SRPRA: variants seen among roughly 807,000 people sequenced by gnomAD.
The protein encoded by SRPRA is signal recognition particle receptor subunit alpha.
SRPRA carries 30 observed loss-of-function variants against 61.1 expected under a neutral mutation model. The ratio of observed to expected loss-of-function variants is 0.49; its 90% CI spans 0.37 to 0.67. The LOEUF is 0.67. SRPRA is among the 30% of genes least tolerant of loss of function. SRPRA has a pLI of 0.00. For synonymous variants in SRPRA, 324 were observed against 299.7 expected (o/e 1.08, Z -0.84); for missense variants, 759 against 828.4 (o/e 0.92, Z 1.03).
At chr11:126,258,749 T>A (rs1950621991), downstream of SRPRA, among the ~76,000 whole-genome samples, 1 of 152,232 alleles carries the variant, frequency 6.6e-6, no homozygotes, top group Non-Finnish European at 1.5e-5. Flanking sequence ...TCTACATATT[T>A]CTTTTGATCT....
chr11:126,256,439 C>T, the SRPRA span: 1 of 738,370 alleles, frequency 1.4e-6, no homozygotes, highest in Admixed American at 2.8e-5. This position sits in a 1 kb window ranked among gnomAD's most constrained non-coding sequence, Gnocchi z 6.6. Flanking sequence ...CTTGATGGGA[C>T]ATACCAACCC....
the SRPRA span, among the ~76,000 whole-genome samples, chr11:126,238,139 A>G: frequency 2.6e-5 from 4 of 152,138 alleles, no homozygotes; most frequent in Non-Finnish European, 5.9e-5. Context: ...AGGCAGGCGG[A>G]TCACTTGAGG....
rs765411778 is a variant in SRPRA at position 126,266,182 on chromosome 11, C to T, written c.932+5G>A. 1 of 1,613,990 alleles carries T rather than the reference C, an allele frequency of 6.2e-7. No individual in the cohort carries two copies. The highest frequency in any genetic ancestry group is 1.7e-5 in the Admixed American group (1 of 60,014). On this transcript the variant is annotated splice_donor_5th_base_variant and intron_variant, in intron 7 of 13. Transcript: ENST00000332118. ...TATACCAACCCCCACCTGAAATTCC[C>T]CTACCTAGGTTTGGTAGAGTTTTGA... is the stretch of plus-strand genomic sequence containing the variant.
downstream of SRPRA, among the ~76,000 whole-genome samples, chr11:126,258,943 T>A (rs1192443148): frequency 6.6e-6 from 1 of 152,244 alleles, no homozygotes; most frequent in Admixed American, 6.5e-5. Flanking sequence ...TATTGTGGAA[T>A]GGCACAAATT....
the SRPRA span, chr11:126,254,394 G>T: frequency 1.2e-6 from 2 of 1,614,168 alleles, no homozygotes; most frequent in Non-Finnish European, 1.7e-6. Context: ...TCCTTCATCC[G>T]GCTGGATATC....
intron 6 of SRPRA, 89 bp downstream of exon 6, chr11:126,266,387 C>CGTA: frequency 6.3e-7 from 1 of 1,588,226 alleles, no homozygotes; most frequent in Non-Finnish European, 8.6e-7. Flanking sequence ...TATAACTTAC[C>CGTA]CCTCATTCAA....
chr11:126,244,450 T>C, the SRPRA span, among the ~76,000 whole-genome samples: 1 of 152,204 alleles, frequency 6.6e-6, no homozygotes, highest in Non-Finnish European at 1.5e-5. The surrounding 1 kb of genome is among the most constrained non-coding windows in gnomAD (Gnocchi z 4.5). Flanking sequence ...AAATGAAATA[T>C]TAAAAATTCT....
chr11:126,268,645 C>G (rs1296406075), intron 1 of SRPRA, 43 bp downstream of exon 1: 4 of 1,543,544 alleles, frequency 2.6e-6, no homozygotes, highest in Non-Finnish European at 3.6e-6. Flanking sequence ...TGGATCGGGT[C>G]AGGAAAGAAG....
At chr11:126,250,623 A>T in the SRPRA span, 1 of 1,614,064 alleles carries the variant, frequency 6.2e-7, no homozygotes, top group South Asian at 1.1e-5. This position sits in a 1 kb window ranked among gnomAD's most constrained non-coding sequence, Gnocchi z 5.1. Flanking sequence ...TCTCCACCTG[A>T]TGGAAAATGG....
the SRPRA span, among the ~76,000 whole-genome samples, chr11:126,248,054 G>A: frequency 2.4e-4 from 36 of 150,652 alleles, no homozygotes; most frequent in Admixed American, 8.6e-4. Flanking sequence ...GATGAATCAG[G>A]AGAATCACCT....
At position 126,266,910 on chromosome 11, in the gene SRPRA, G is replaced by A; in HGVS notation, c.539C>T (p.Pro180Leu). ...AGGGACTGGTTTGCTGGTAGCCAAAGGACCATCAGAACCTGTTGGGGAAAA... is the reference window on the plus strand; with the variant it reads ...AGGGACTGGTTTGCTGGTAGCCAAAAGACCATCAGAACCTGTTGGGGAAAA... ...KGAKKEGSDG[P>L]LATSKPVPAE... The change falls in exon 5 of 14, where the codon CCT (proline) becomes CTT (leucine). Residue 180 changes from proline (P) to leucine (L), a missense_variant. Coordinates refer to ENST00000332118, the MANE Select transcript of SRPRA (RefSeq NM_003139.4). 5 of 1,613,892 alleles carry A rather than the reference G, an allele frequency of 3.1e-6. No homozygotes were observed. The highest frequency in any genetic ancestry group is 4.2e-6 in the Non-Finnish European group (5 of 1,179,960).
intron 6 of SRPRA, 25 bp from the exon 7 acceptor site, chr11:126,266,303 G>A: frequency 6.2e-7 from 1 of 1,612,122 alleles, no homozygotes; most frequent in South Asian, 1.1e-5. Flanking sequence ...GAAAGGATGT[G>A]GGGTCAGGAA....
chr11:126,240,743 C>A, the SRPRA span: 1 of 1,526,280 alleles, frequency 6.6e-7, no homozygotes, highest in South Asian at 1.3e-5. Flanking sequence ...TTCTGTGTGC[C>A]TCATATCTAT....
the SRPRA span, among the ~76,000 whole-genome samples, chr11:126,242,747 A>G: frequency 6.6e-6 from 1 of 152,210 alleles, no homozygotes; most frequent in East Asian, 1.9e-4. Context: ...GTTATTAAGG[A>G]TGTGGAGAAA....
At chr11:126,259,425 C>CTT (rs397945854), downstream of SRPRA, among the ~76,000 whole-genome samples, 3,457 of 129,370 alleles carry the variant, frequency 0.027, 515 homozygotes, top group East Asian at 0.46. Context: ...CGTTGTGGTA[C>CTT]TTTTTTTTTT....
Position 126,265,087 on chromosome 11 carries a change from C to T in SRPRA, c.1397G>A (p.Arg466His), listed in dbSNP as rs748980875. Residue 466 changes from arginine to histidine, a missense_variant, in exon 11 of 14, where the codon CGT becomes CAT. Around this residue, in one of 2 missense-constraint regions of SRPRA, gnomAD observed 284 missense variants for 365.9 expected, o/e 0.78. Transcript: ENST00000332118. The surrounding 1 kb of genome is among the most constrained non-coding windows in gnomAD (Gnocchi z 6.3). Reference sequence around the variant, plus strand: ...GGCACTCAAACGCCGGGTGTGTGTACGCAGCTGCTCCACGGCCCCAGCACG... The same window carrying T: ...GGCACTCAAACGCCGGGTGTGTGTATGCAGCTGCTCCACGGCCCCAGCACG... ...TFRAGAVEQLRTHTRRLSALH... is the reference protein window; with the variant it reads ...TFRAGAVEQLHTHTRRLSALH... The T allele has an allele frequency of 1.5e-5, 24 of 1,613,976 alleles. No homozygotes were observed. Among genetic ancestry groups the T allele is most frequent in the East Asian group, 2.2e-5 (1 of 44,894 alleles).
the SRPRA span, among the ~76,000 whole-genome samples, chr11:126,246,302 T>C: frequency 6.6e-6 from 1 of 152,198 alleles, no homozygotes; most frequent in Non-Finnish European, 1.5e-5. Context: ...AGCAGTACTA[T>C]GGCAGGGTTA....
At chr11:126,245,103 G>C in the SRPRA span, 2 of 151,656 alleles carry the variant, frequency 1.3e-5, no homozygotes, top group African/African-American at 4.8e-5. Flanking sequence ...ATTGCTGGAG[G>C]GCTTGAGCCC....
chr11:126,266,270 C>T lies in SRPRA; in HGVS notation c.849G>A (p.Gly283=). ...ALSEDINLIR[G]TGSGGQLQDL... ...CCTGAAGCTGCCCCCCAGACCCAGT[C>T]CCTCGAATCTGGAAGATACGGGGAA... is the stretch of plus-strand genomic sequence containing the variant. Residue 283 remains glycine (G), a synonymous_variant, in exon 7 of 14, where the codon GGG becomes GGA. Coordinates refer to ENST00000332118, the MANE Select transcript of SRPRA (RefSeq NM_003139.4). 1 of 1,614,182 alleles carries T rather than the reference C, an allele frequency of 6.2e-7. No homozygotes were observed. The highest frequency in any genetic ancestry group is 8.5e-7 in the Non-Finnish European group (1 of 1,180,026).
Sources: allele counts gnomAD v4.1 joint callset (sites outside exome capture counted in the v4.1 genomes callset), GRCh38; gene constraint gnomAD v4.1.1; regional missense constraint gnomAD v4.1.1; non-coding constraint Gnocchi (gnomAD v3.1); transcripts MANE v1.5; gene names NCBI Gene and HGNC (gene_info 2026-07-23, HGNC 2026-07-21).